PLEKHM2: variants seen among roughly 807,000 people sequenced by gnomAD.
The protein encoded by PLEKHM2 is pleckstrin homology domain-containing family M member 2.
PLEKHM2 carries 77 observed loss-of-function variants against 116.3 expected under a neutral mutation model. The ratio of observed to expected loss-of-function variants is 0.66; its 90% CI spans 0.55 to 0.80. The LOEUF is 0.80. PLEKHM2 is among the 30% of genes least tolerant of loss of function. The pLI is 0.00. For synonymous variants in PLEKHM2, 562 were observed against 571.0 expected (o/e 0.98, Z 0.22); for missense variants, 1,183 against 1,354.9 (o/e 0.87, Z 1.99).
intron 1 of PLEKHM2, among the ~76,000 whole-genome samples, chr1:15,714,124 A>G (rs1481499875): frequency 6.7e-6 from 1 of 149,420 alleles, no homozygotes; most frequent in Non-Finnish European, 1.5e-5. Flanking sequence ...GTATTTTAGT[A>G]GAGAACGAGG....
chr1:15,710,020 C>G (rs749406956), intron 1 of PLEKHM2, among the ~76,000 whole-genome samples: 4 of 151,828 alleles, frequency 2.6e-5, no homozygotes. Flanking sequence ...GTCAGGATAT[C>G]GAGACCATCC....
chr1:15,708,463 C>T (rs1641268201), intron 1 of PLEKHM2, among the ~76,000 whole-genome samples: 1 of 152,170 alleles, frequency 6.6e-6, no homozygotes, highest in South Asian at 2.1e-4. Flanking sequence ...GATCCACCTG[C>T]CTCGGCCTCC....
chr1:15,685,665 C>A (rs1209331146), intron 1 of PLEKHM2, among the ~76,000 whole-genome samples: 2 of 151,836 alleles, frequency 1.3e-5, no homozygotes, highest in Non-Finnish European at 2.9e-5. Context: ...GATCAACCAT[C>A]ATATTTAAAT....
chr1:15,698,541 C>CTT (rs1249746368), intron 1 of PLEKHM2, among the ~76,000 whole-genome samples: 23 of 139,042 alleles, frequency 1.7e-4, no homozygotes, highest in African/African-American at 5.8e-4. Flanking sequence ...TTCTTTCTTT[C>CTT]TTTCTTTCTT....
intron 8 of PLEKHM2, 73 bp downstream of exon 8, chr1:15,725,618 C>A (rs979200617): frequency 3.6e-6 from 4 of 1,116,352 alleles, no homozygotes; most frequent in African/African-American, 3.1e-5. Flanking sequence ...ATCAGCTGTT[C>A]ATCCAGGGCA....
intron 19 of PLEKHM2, among the ~76,000 whole-genome samples, chr1:15,733,542 C>T (rs2068177536): frequency 6.6e-6 from 1 of 152,262 alleles, no homozygotes; most frequent in South Asian, 2.1e-4. Flanking sequence ...AGTGCAGCGC[C>T]TGCCTCGCTG....
At chr1:15,692,412 C>T (rs558044892) in intron 1 of PLEKHM2, among the ~76,000 whole-genome samples, 34 of 152,128 alleles carry the variant, frequency 2.2e-4, no homozygotes, top group South Asian at 4.1e-4. Flanking sequence ...TAGCTATTTC[C>T]CTTCTTTCCT....
At chr1:15,720,604 G>C (rs953241546) in intron 6 of PLEKHM2, 1 of 378,600 alleles carries the variant, frequency 2.6e-6, no homozygotes, top group Admixed American at 6.4e-5. Flanking sequence ...TCCTGTAGGA[G>C]ACCAGAGCCC....
intron 1 of PLEKHM2, among the ~76,000 whole-genome samples, chr1:15,709,804 G>A (rs1299499490): frequency 6.6e-6 from 1 of 152,130 alleles, no homozygotes; most frequent in Non-Finnish European, 1.5e-5. Context: ...CCTAAAGAAA[G>A]CTATAAAAAT....
intron 1 of PLEKHM2, among the ~76,000 whole-genome samples, chr1:15,711,980 C>T (rs932825564): frequency 1.3e-4 from 19 of 151,468 alleles, no homozygotes; most frequent in South Asian, 4.2e-4. Flanking sequence ...TAGCCGGGCA[C>T]GGTGGCGCGT....
intron 19 of PLEKHM2, 60 bp downstream of exon 19, chr1:15,732,788 C>A: frequency 1.7e-6 from 2 of 1,148,132 alleles, no homozygotes; most frequent in Non-Finnish European, 2.5e-6. Flanking sequence ...AGCCACTCCC[C>A]GGGGAGAGGA....
chr1:15,732,876 C>T (rs1017713750), intron 19 of PLEKHM2, 148 bp downstream of exon 19: 26 of 612,648 alleles, frequency 4.2e-5, no homozygotes, highest in Middle Eastern at 3.2e-4. Context: ...CCTGCCTCAG[C>T]CCCGGGGGTG....
At chr1:15,688,700 T>C (rs1014178931) in intron 1 of PLEKHM2, among the ~76,000 whole-genome samples, 2 of 151,332 alleles carry the variant, frequency 1.3e-5, no homozygotes, top group Non-Finnish European at 2.9e-5. Flanking sequence ...TCAATTCATA[T>C]TCAATTCTAG....
chr1:15,725,066 C>T (rs1178185065), intron 7 of PLEKHM2, among the ~76,000 whole-genome samples: 1 of 152,184 alleles, frequency 6.6e-6, no homozygotes, highest in Non-Finnish European at 1.5e-5. Flanking sequence ...TTAACACAAA[C>T]TCAGCCAAAT....
At chr1:15,708,994 A>C (rs1195327763) in intron 1 of PLEKHM2, among the ~76,000 whole-genome samples, 1 of 152,208 alleles carries the variant, frequency 6.6e-6, no homozygotes, top group Non-Finnish European at 1.5e-5. Flanking sequence ...CCTATTACTA[A>C]GCCCATTTTA....
At chr1:15,699,935 GT>G (rs1299942398) in intron 1 of PLEKHM2, among the ~76,000 whole-genome samples, 2 of 151,830 alleles carry the variant, frequency 1.3e-5, no homozygotes, top group East Asian at 3.9e-4. Context: ...CACTATGATT[GT>G]GCCTGTGATG....
intron 17 of PLEKHM2, 107 bp downstream of exon 17, chr1:15,732,155 G>A (rs775184975): frequency 1.1e-5 from 12 of 1,123,508 alleles, no homozygotes; most frequent in African/African-American, 3.1e-5. Context: ...GGGCCAAGAC[G>A]GACCTCCAGG....
chr1:15,693,277 G>A (rs1446352472), intron 1 of PLEKHM2, among the ~76,000 whole-genome samples: 3 of 152,166 alleles, frequency 2.0e-5, no homozygotes, highest in Non-Finnish European at 4.4e-5. Context: ...CTGGTCTCAA[G>A]TGATCCGCCC....
At chr1:15,718,269 C>T (rs962543394) in intron 4 of PLEKHM2, among the ~76,000 whole-genome samples, 3 of 152,218 alleles carry the variant, frequency 2.0e-5, no homozygotes, top group Non-Finnish European at 4.4e-5. Flanking sequence ...GGGGTTGCTG[C>T]AGGAACAGAG....
Sources: gnomAD v4.1 joint callset for allele counts (sites outside exome capture counted in the v4.1 genomes callset) on GRCh38, gnomAD v4.1.1 for gene constraint, MANE v1.5 for transcripts, NCBI Gene and HGNC (gene_info 2026-07-23, HGNC 2026-07-21) for gene names.